SH3PXD2B: variants seen among roughly 807,000 people sequenced by gnomAD.
SH3PXD2B encodes the protein SH3 and PX domain-containing protein 2B.
In SH3PXD2B, 37 loss-of-function variants were observed where a neutral mutation model predicts 73.1. The ratio of observed to expected loss-of-function variants is 0.51; its 90% CI spans 0.39 to 0.67. The LOEUF is 0.67. SH3PXD2B is among the 30% of genes least tolerant of loss of function. SH3PXD2B has a pLI of 0.00. For synonymous variants in SH3PXD2B, 457 were observed against 480.5 expected (o/e 0.95, Z 0.64); for missense variants, 1,053 against 1,197.8 (o/e 0.88, Z 1.78).
At chr5:172,394,486 G>A in intron 4 of SH3PXD2B, 77 bp downstream of exon 4, 1 of 1,451,542 alleles carries the variant, frequency 6.9e-7, no homozygotes, top group Admixed American at 1.8e-5. Flanking sequence ...TTATTGTTGA[G>A]CATCTTGTAG....
downstream of SH3PXD2B, chr5:172,333,480 A>G: frequency 8.7e-7 from 1 of 1,149,148 alleles, no homozygotes; most frequent in Non-Finnish European, 1.1e-6. Context: ...TGCCAAATAA[A>G]ATCCATAGAC....
chr5:172,333,662 CA>C lies in SH3PXD2B; in HGVS notation c.*4706del. ...CATTTATTTAATGTGTTAAAGGAAA[CA>C]AAAACCACCACCGGAATGCCAATTT... On this transcript the variant is annotated 3_prime_UTR_variant, in exon 13 of 13. Transcript: ENST00000311601. The C allele has an allele frequency of 7.8e-7, 1 of 1,289,206 alleles. No individual in the cohort carries two copies. The highest frequency in any genetic ancestry group is 1.5e-5 in the African/African-American group (1 of 65,944). The allele number at this position is 1,289,206 out of a possible 1,614,324, so 79.9% of individuals were successfully genotyped here. A position where few individuals can be genotyped will look rare whatever the true frequency, so the allele number is the denominator to read the frequency against.
intron 6 of SH3PXD2B, among the ~76,000 whole-genome samples, chr5:172,364,132 A>C (rs1467843791): frequency 2.0e-5 from 3 of 152,086 alleles, no homozygotes; most frequent in Non-Finnish European, 4.4e-5. Context: ...AATAAATGAA[A>C]AGATAATGCA....
chr5:172,370,935 A>G (rs976255345), intron 6 of SH3PXD2B, among the ~76,000 whole-genome samples: 2 of 152,228 alleles, frequency 1.3e-5, no homozygotes, highest in African/African-American at 2.4e-5. Flanking sequence ...GCTAAATTCT[A>G]GGAGTTGCCA....
At chr5:172,402,868 A>T (rs372233816) in intron 3 of SH3PXD2B, among the ~76,000 whole-genome samples, 18 of 152,366 alleles carry the variant, frequency 1.2e-4, no homozygotes, top group African/African-American at 4.3e-4. Flanking sequence ...TTCAGAGTGC[A>T]CGTTCTTTCC....
At chr5:172,342,535 C>T (rs757938318) in intron 12 of SH3PXD2B, among the ~76,000 whole-genome samples, 1 of 152,146 alleles carries the variant, frequency 6.6e-6, no homozygotes, top group Non-Finnish European at 1.5e-5. Flanking sequence ...CCAAGGCGGG[C>T]GGATCACCTG....
At chr5:172,380,780 A>G (rs1008169122) in intron 5 of SH3PXD2B, among the ~76,000 whole-genome samples, 13 of 152,234 alleles carry the variant, frequency 8.5e-5, no homozygotes, top group African/African-American at 2.9e-4. Flanking sequence ...CCTTCACTCC[A>G]AAACCACGCA....
Position 172,338,561 on chromosome 5 carries a change from G to T in SH3PXD2B, c.2544C>A (p.Asp848Glu), listed in dbSNP as rs149498667. ...CCACATACAAAGAGTCCTTCAGGCCGTCGGCATTGGGGACAGAGGCTGCAG... is the reference window on the plus strand; with the variant it reads ...CCACATACAAAGAGTCCTTCAGGCCTTCGGCATTGGGGACAGAGGCTGCAG... ...KAAAASVPNA[D>E]GLKDSLYVAV... Residue 848 changes from aspartate (D) to glutamate (E), a missense_variant, in exon 13 of 13, where the codon GAC becomes GAA. Asp to Glu is a conservative substitution (Grantham distance 45). Transcript: ENST00000311601. The surrounding 1 kb of genome is among the most constrained non-coding windows in gnomAD (Gnocchi z 5.1). The T allele has an allele frequency of 5.9e-5, 95 of 1,614,152 alleles. 1 individual carries two copies. In the African/African-American group the frequency reaches 1.2e-3, roughly 21 times the overall value.
chr5:172,451,001 T>A (rs1345964177), intron 1 of SH3PXD2B, among the ~76,000 whole-genome samples: 1 of 152,240 alleles, frequency 6.6e-6, no homozygotes, highest in Non-Finnish European at 1.5e-5. Flanking sequence ...CACAGGCACC[T>A]GGAGCTTCTG....
At chr5:172,351,939 G>A (rs1261339884) in intron 9 of SH3PXD2B, among the ~76,000 whole-genome samples, 1 of 152,134 alleles carries the variant, frequency 6.6e-6, no homozygotes, top group Non-Finnish European at 1.5e-5. Context: ...ATAGTTCATT[G>A]TTTGGGGACA....
Position 172,335,082 on chromosome 5 carries a change from G to A in SH3PXD2B, c.*3287C>T. ...CATACACCCACCAATGGCAAAGAAA[G>A]ATTCCGAGCAGAACATGTGAGCAAA... On this transcript the variant is annotated 3_prime_UTR_variant, in exon 13 of 13. Coordinates refer to ENST00000311601, the MANE Select transcript of SH3PXD2B (RefSeq NM_001017995.3). 3 of 985,604 alleles carry A rather than the reference G, an allele frequency of 3.0e-6. No homozygotes were observed. The highest frequency in any genetic ancestry group is 3.6e-6 in the Non-Finnish European group (3 of 830,046). The allele number at this position is 985,604 out of a possible 1,614,324, so 61.1% of individuals were successfully genotyped here.
chr5:172,374,336 A>G (rs1292503019), intron 5 of SH3PXD2B, among the ~76,000 whole-genome samples: 3 of 152,170 alleles, frequency 2.0e-5, no homozygotes, highest in Non-Finnish European at 4.4e-5. Flanking sequence ...ATTCACAGGG[A>G]ATAATGAATA....
chr5:172,428,180 T>G (rs1345195686), intron 1 of SH3PXD2B, among the ~76,000 whole-genome samples: 1 of 152,192 alleles, frequency 6.6e-6, no homozygotes, highest in African/African-American at 2.4e-5. Flanking sequence ...CTTCAAAACA[T>G]GAGCTGCACA....
chr5:172,452,343 T>C (rs1314823035), intron 1 of SH3PXD2B, among the ~76,000 whole-genome samples: 1 of 152,182 alleles, frequency 6.6e-6, no homozygotes. Flanking sequence ...CTGGCAAGGA[T>C]GGAGCTGACA....
At chr5:172,453,016 C>T (rs1273359527) in intron 1 of SH3PXD2B, among the ~76,000 whole-genome samples, 3 of 152,166 alleles carry the variant, frequency 2.0e-5, no homozygotes, top group Non-Finnish European at 4.4e-5. Flanking sequence ...ACACAGCACA[C>T]CCTTTCTTGT....
At chr5:172,420,676 G>A (rs1758942572) in intron 2 of SH3PXD2B, among the ~76,000 whole-genome samples, 1 of 152,222 alleles carries the variant, frequency 6.6e-6, no homozygotes, top group South Asian at 2.1e-4. Context: ...CTTCTTGGGT[G>A]GAGCAGGGAC....
Position 172,372,228 on chromosome 5 carries a change from A to C in SH3PXD2B, c.427+1562T>G, listed in dbSNP as rs907458161. ...GTGGGGGCTGGTGGGAGGTGATTGGATCATGGGGGTGGGTCCTTCATGAAT... is the reference window on the plus strand; with the variant it reads ...GTGGGGGCTGGTGGGAGGTGATTGGCTCATGGGGGTGGGTCCTTCATGAAT... On this transcript the variant is annotated intron_variant, in intron 6 of 12. Coordinates refer to ENST00000311601, the MANE Select transcript of SH3PXD2B (RefSeq NM_001017995.3). Among the ~76,000 whole-genome samples the C allele has an allele frequency of 3.3e-5, 5 of 151,960 alleles. No homozygotes were observed. In the South Asian group the frequency reaches 6.2e-4, roughly 19 times the overall value.
chr5:172,343,854 G>A (rs914858400), intron 12 of SH3PXD2B, among the ~76,000 whole-genome samples: 5 of 151,636 alleles, frequency 3.3e-5, no homozygotes, highest in African/African-American at 1.2e-4. Context: ...AAGAGTGTGG[G>A]CTTTAAAACC....
At chr5:172,398,099 C>T (rs1167358850) in intron 3 of SH3PXD2B, among the ~76,000 whole-genome samples, 3 of 152,210 alleles carry the variant, frequency 2.0e-5, no homozygotes, top group African/African-American at 7.2e-5. Context: ...TCTCCTTCCC[C>T]CTGGAATTCT....
Sources: gnomAD v4.1 joint callset for allele counts (sites outside exome capture counted in the v4.1 genomes callset) on GRCh38, gnomAD v4.1.1 for gene constraint, Gnocchi (gnomAD v3.1) non-coding constraint, MANE v1.5 for transcripts, NCBI Gene and HGNC (gene_info 2026-07-23, HGNC 2026-07-21) for gene names.